VTI1A: variants seen among roughly 807,000 people sequenced by gnomAD.
VTI1A encodes vesicle transport through interaction with t-SNAREs homolog 1A.
In VTI1A, 22 loss-of-function variants were observed where a neutral mutation model predicts 34.9. The observed-to-expected ratio is 0.63, with a 90% CI of 0.45 to 0.90. The LOEUF (loss-of-function observed/expected upper bound fraction) is 0.90, where lower values mean the gene tolerates loss of function less well. Ranked by LOEUF, VTI1A falls within the 40% of genes least tolerant of loss-of-function variation. VTI1A has a pLI of 0.00. For synonymous variants in VTI1A, 87 were observed against 97.3 expected, an observed-to-expected ratio of 0.89 and a Z score of 0.62; for missense variants, 268 against 275.6, an observed-to-expected ratio of 0.97 and a Z score of 0.20.
At chr10:112,578,458 G>T (rs920125139) in intron 5 of VTI1A, among the ~76,000 whole-genome samples, 2 of 152,142 alleles carry the variant, frequency 1.3e-5, no homozygotes, top group African/African-American at 2.4e-5. Flanking sequence ...AGAAAATACT[G>T]AATTTAAGAT....
chr10:112,731,813 C>CT (rs1198386076), intron 7 of VTI1A, among the ~76,000 whole-genome samples: 5 of 152,034 alleles, frequency 3.3e-5, no homozygotes, highest in Non-Finnish European at 4.4e-5. Flanking sequence ...AGATTTCATC[C>CT]TTTATCTTTG....
In VTI1A at chr10:112,648,555, C is replaced by A. The variant is rs549826517; in HGVS notation, c.428-19663C>A. On this transcript the variant is annotated intron_variant, in intron 5 of 7. Coordinates refer to ENST00000393077, the MANE Select transcript of VTI1A (RefSeq NM_145206.4). The stretch of plus-strand genomic sequence containing the variant: ...GTTCATGAGAATATTATACATAGTT[C>A]AAAAAGAGGTTCATTTTTCCTATGG... Among the ~76,000 whole-genome samples, 16 of 152,184 alleles carry A rather than the reference C, an allele frequency of 1.1e-4. No individual in the cohort carries two copies. In the South Asian group the frequency reaches 3.3e-3, roughly 32 times the overall value.
intron 3 of VTI1A, among the ~76,000 whole-genome samples, chr10:112,466,686 C>A (rs1847905885): frequency 6.6e-6 from 1 of 152,090 alleles, no homozygotes; most frequent in Non-Finnish European, 1.5e-5. Context: ...AGCTTGCTTA[C>A]CTCATTTTTA....
intron 5 of VTI1A, among the ~76,000 whole-genome samples, chr10:112,652,183 C>T (rs886759796): frequency 2.6e-5 from 4 of 152,156 alleles, no homozygotes; most frequent in African/African-American, 7.2e-5. Context: ...TAAACTTTAG[C>T]GTAGACAAGC....
At chr10:112,769,461 G>C (rs1851738734) in intron 7 of VTI1A, among the ~76,000 whole-genome samples, 1 of 152,202 alleles carries the variant, frequency 6.6e-6, no homozygotes, top group Admixed American at 6.5e-5. Context: ...TGGAATATTA[G>C]ATGAAAGACC....
At chr10:112,487,961 T>C (rs1463549035) in intron 3 of VTI1A, among the ~76,000 whole-genome samples, 1 of 152,098 alleles carries the variant, frequency 6.6e-6, no homozygotes, top group Non-Finnish European at 1.5e-5. Context: ...CCTGTGTAGA[T>C]TGTTTAAGAA....
intron 5 of VTI1A, among the ~76,000 whole-genome samples, chr10:112,549,569 A>G (rs1044390232): frequency 1.2e-4 from 19 of 152,214 alleles, no homozygotes; most frequent in Non-Finnish European, 2.9e-5. Context: ...GATATTAACT[A>G]TCTTTTTTCC....
chr10:112,769,349 T>C (rs1851736048), intron 7 of VTI1A, among the ~76,000 whole-genome samples: 1 of 152,220 alleles, frequency 6.6e-6, no homozygotes, highest in African/African-American at 2.4e-5. Context: ...CTACGCTGCC[T>C]CTGGTGGAGT....
intron 7 of VTI1A, 68 bp from the exon 8 acceptor site, chr10:112,815,222 T>A: frequency 2.2e-6 from 2 of 912,142 alleles, no homozygotes; most frequent in African/African-American, 2.0e-5. Flanking sequence ...CAACCTGGCC[T>A]CGGACGGCGT....
At chr10:112,496,773 G>A (rs1394788089) in intron 3 of VTI1A, among the ~76,000 whole-genome samples, 1 of 152,156 alleles carries the variant, frequency 6.6e-6, no homozygotes, top group Non-Finnish European at 1.5e-5. Context: ...GACTGTTTCA[G>A]CTAAGAACAC....
intron 3 of VTI1A, among the ~76,000 whole-genome samples, chr10:112,520,095 A>G (rs1232685910): frequency 2.6e-5 from 4 of 152,096 alleles, no homozygotes; most frequent in Non-Finnish European, 5.9e-5. Flanking sequence ...AAAGAAAATA[A>G]TAAACATTTT....
At chr10:112,689,867 GAT>G (rs1455626289) in intron 7 of VTI1A, among the ~76,000 whole-genome samples, 1 of 152,038 alleles carries the variant, frequency 6.6e-6, no homozygotes, top group Non-Finnish European at 1.5e-5. Flanking sequence ...CACACATCAA[GAT>G]ATAGAACAGT....
intron 3 of VTI1A, among the ~76,000 whole-genome samples, chr10:112,476,287 CTG>C (rs988526674): frequency 2.0e-5 from 3 of 152,238 alleles, no homozygotes; most frequent in African/African-American, 7.2e-5. Flanking sequence ...TGGCCAGAAA[CTG>C]TGTTATCAAG....
At chr10:112,810,213 G>C (rs998715222) in intron 7 of VTI1A, among the ~76,000 whole-genome samples, 26 of 152,010 alleles carry the variant, frequency 1.7e-4, no homozygotes, top group African/African-American at 6.3e-4. Context: ...AACCAGGTTG[G>C]CCAACACGGT....
chr10:112,777,025 A>T (rs929214617), intron 7 of VTI1A, among the ~76,000 whole-genome samples: 13 of 152,208 alleles, frequency 8.5e-5, no homozygotes, highest in Non-Finnish European at 1.5e-4. Flanking sequence ...TTGCTTAGTA[A>T]GAGAAACTAA....
chr10:112,538,081 A>G (rs1850713843), intron 4 of VTI1A, among the ~76,000 whole-genome samples, 165 bp from the exon 5 acceptor site: 1 of 152,096 alleles, frequency 6.6e-6, no homozygotes, highest in African/African-American at 2.4e-5. Context: ...AAATCTGTCT[A>G]TGGTAGTGGT....
At chr10:112,449,322 A>C (rs1415942033) in intron 1 of VTI1A, 1 of 152,252 alleles carries the variant, frequency 6.6e-6, no homozygotes, top group Non-Finnish European at 1.5e-5. Context: ...CTGTTTTACA[A>C]GGTAACAAAA....
chr10:112,774,611 C>CT (rs111419455), intron 7 of VTI1A, among the ~76,000 whole-genome samples: 4,319 of 147,658 alleles, frequency 0.029, 200 homozygotes, highest in African/African-American at 0.1. Context: ...TAAGTTCCAC[C>CT]TTTTTTTTTT....
intron 2 of VTI1A, among the ~76,000 whole-genome samples, chr10:112,462,864 A>C (rs1847771226): frequency 1.3e-5 from 2 of 152,184 alleles, no homozygotes; most frequent in Non-Finnish European, 2.9e-5. Flanking sequence ...TTTAGCAGAC[A>C]TGGCCTGGGC....
Sources: allele counts gnomAD v4.1 joint callset (sites outside exome capture counted in the v4.1 genomes callset), GRCh38; gene constraint gnomAD v4.1.1; transcripts MANE v1.5; gene names NCBI Gene and HGNC (gene_info 2026-07-23, HGNC 2026-07-21).